ALK: variants seen among roughly 807,000 people sequenced by gnomAD.
ALK encodes ALK receptor tyrosine kinase, also known as ALK tyrosine kinase receptor.
ALK carries 74 observed loss-of-function variants against 163.1 expected under a neutral mutation model. The ratio of observed to expected loss-of-function variants is 0.45; its 90% CI spans 0.38 to 0.55. The LOEUF (loss-of-function observed/expected upper bound fraction) is 0.55. Among genes scored for constraint, ALK ranks in the 20% least tolerant of loss-of-function variants. The pLI is 0.00. For missense variants in ALK, 2,063 were observed against 2,105.3 expected (o/e 0.98, Z 0.39); for synonymous variants, 960 against 843.2 (o/e 1.14, Z -2.40).
At chr2:29,620,800 G>A (rs527353342) in intron 3 of ALK, among the ~76,000 whole-genome samples, 74 of 152,176 alleles carry the variant, frequency 4.9e-4, no homozygotes, top group African/African-American at 1.7e-3. Flanking sequence ...TAATAACCCC[G>A]CGCCTCGGGA....
intron 2 of ALK, among the ~76,000 whole-genome samples, chr2:29,705,287 A>ATATATATC (rs1553349889): frequency 6.8e-5 from 8 of 117,672 alleles, no homozygotes; most frequent in African/African-American, 9.2e-5. Flanking sequence ...ATATAAATAT[A>ATATATATC]TATCTGCTGT....
At chr2:29,254,584 C>A (rs1346601008) in intron 11 of ALK, among the ~76,000 whole-genome samples, 1 of 152,144 alleles carries the variant, frequency 6.6e-6, no homozygotes, top group African/African-American at 2.4e-5. Flanking sequence ...TCTCTGCTGG[C>A]CAGCTGTGAG....
At chr2:29,427,247 C>T (rs983296498) in intron 4 of ALK, among the ~76,000 whole-genome samples, 9 of 151,780 alleles carry the variant, frequency 5.9e-5, no homozygotes, top group African/African-American at 7.3e-5. Flanking sequence ...ATGGTAAATA[C>T]GAAGGTTAGT....
intron 4 of ALK, among the ~76,000 whole-genome samples, chr2:29,478,421 T>A (rs1471055528): frequency 1.3e-5 from 2 of 152,194 alleles, no homozygotes; most frequent in Non-Finnish European, 2.9e-5. Flanking sequence ...AAAGGTAGGG[T>A]GAGTGCTCCC....
chr2:29,265,007 G>GT (rs997620806), intron 11 of ALK, among the ~76,000 whole-genome samples: 89 of 146,068 alleles, frequency 6.1e-4, no homozygotes, highest in African/African-American at 1.6e-3. Flanking sequence ...AGGGTGCCCT[G>GT]TTTTTTTTTT....
chr2:29,649,572 A>G (rs1676982843), intron 3 of ALK, among the ~76,000 whole-genome samples: 1 of 152,170 alleles, frequency 6.6e-6, no homozygotes, highest in Non-Finnish European at 1.5e-5. Flanking sequence ...TCTCTGGGGC[A>G]TGCCAGTCTC....
At chr2:29,239,648 G>A (rs1664470068) in intron 13 of ALK, 32 bp downstream of exon 13, 2 of 1,612,336 alleles carry the variant, frequency 1.2e-6, no homozygotes, top group Admixed American at 1.7e-5. Flanking sequence ...CTGACAGAGT[G>A]CAGACGAGAA....
At chr2:29,204,812 C>A (rs1398834446) in intron 26 of ALK, among the ~76,000 whole-genome samples, 2 of 152,216 alleles carry the variant, frequency 1.3e-5, no homozygotes, top group Admixed American at 6.5e-5. Context: ...TAGTCTCGAA[C>A]TTCTGACCTC....
intron 11 of ALK, among the ~76,000 whole-genome samples, chr2:29,251,612 A>G (rs1664817061): frequency 6.6e-6 from 1 of 152,190 alleles, no homozygotes. Context: ...GGGGAGTTCC[A>G]GGAAGGGGAG....
intron 4 of ALK, among the ~76,000 whole-genome samples, chr2:29,508,015 C>T (rs13424934): frequency 0.026 from 4,000 of 152,188 alleles, 192 homozygotes; most frequent in African/African-American, 0.092. Context: ...ACATGTCTTG[C>T]GTGAGTGTGG....
intron 4 of ALK, among the ~76,000 whole-genome samples, chr2:29,507,822 T>C (rs1672377177): frequency 1.3e-5 from 2 of 152,122 alleles, no homozygotes; most frequent in Admixed American, 1.3e-4. Flanking sequence ...AGAGGGGCCA[T>C]GATGTCAATG....
At chr2:29,553,690 G>A (rs995584339) in intron 3 of ALK, among the ~76,000 whole-genome samples, 12 of 152,156 alleles carry the variant, frequency 7.9e-5, no homozygotes, top group Non-Finnish European at 1.3e-4. Flanking sequence ...ATTGCTTACC[G>A]ATGAGGCTTT....
chr2:29,354,503 G>T (rs965459146), intron 5 of ALK, among the ~76,000 whole-genome samples: 1 of 152,174 alleles, frequency 6.6e-6, no homozygotes, highest in African/African-American at 2.4e-5. Flanking sequence ...GAGAAGGCAG[G>T]AGAGCAGAGC....
At chr2:29,783,605 C>A (rs1010826465) in intron 1 of ALK, among the ~76,000 whole-genome samples, 3 of 152,200 alleles carry the variant, frequency 2.0e-5, no homozygotes, top group South Asian at 2.1e-4. Flanking sequence ...TCAGTCCAGT[C>A]CAACAATAAG....
At chr2:29,911,269 T>C in intron 1 of ALK, among the ~76,000 whole-genome samples, 1 of 152,204 alleles carries the variant, frequency 6.6e-6, no homozygotes, top group African/African-American at 2.4e-5. Context: ...ACTTGTTTTT[T>C]CCTTCTTATC....
intron 1 of ALK, among the ~76,000 whole-genome samples, chr2:29,815,672 GAAGT>G (rs1182629890): frequency 1.3e-5 from 2 of 152,158 alleles, no homozygotes; most frequent in South Asian, 2.1e-4. Flanking sequence ...ATTAATTAAT[GAAGT>G]AAGAATGTAA....
chr2:29,846,469 C>G (rs1665846642), intron 1 of ALK, among the ~76,000 whole-genome samples: 2 of 152,202 alleles, frequency 1.3e-5, no homozygotes, highest in Non-Finnish European at 2.9e-5. Flanking sequence ...AAGACCTTGT[C>G]TAGGATGATC....
intron 3 of ALK, among the ~76,000 whole-genome samples, chr2:29,630,362 G>C (rs1369359078): frequency 6.6e-6 from 1 of 152,078 alleles, no homozygotes; most frequent in Non-Finnish European, 1.5e-5. Flanking sequence ...TCATAGATAA[G>C]AAATTTTATT....
chr2:29,320,266 G>A (rs1313269464), intron 7 of ALK, among the ~76,000 whole-genome samples: 1 of 152,204 alleles, frequency 6.6e-6, no homozygotes, highest in Non-Finnish European at 1.5e-5. Context: ...TCAGGGGTGA[G>A]GTAGGGGGAT....
Sources: allele counts gnomAD v4.1 joint callset (sites outside exome capture counted in the v4.1 genomes callset), GRCh38; gene constraint gnomAD v4.1.1; transcripts MANE v1.5; gene names NCBI Gene and HGNC (gene_info 2026-07-23, HGNC 2026-07-21).